ADGRV1: variants seen among roughly 807,000 people sequenced by gnomAD.
ADGRV1 encodes the protein adhesion G protein-coupled receptor V1.
Under a neutral mutation model 596.2 loss-of-function variants are expected in ADGRV1, and 359 were observed. The observed-to-expected ratio is 0.60, with a 90% CI of 0.55 to 0.66. The LOEUF (loss-of-function observed/expected upper bound fraction) is 0.66, where lower values mean the gene tolerates loss of function less well. ADGRV1 is among the 30% of genes least tolerant of loss of function. The probability of loss-of-function intolerance (pLI) is 0.00; values close to 1 mark genes in which losing one functional copy is unlikely to be tolerated. For synonymous variants in ADGRV1, 2,681 were observed against 2,679.2 expected, an observed-to-expected ratio of 1.00 and a Z score of -0.02; for missense variants, 7,274 against 7,575.6, an observed-to-expected ratio of 0.96 and a Z score of 1.48.
chr5:90,659,775 G>A (rs1056253074), intron 21 of ADGRV1, among the ~76,000 whole-genome samples: 4 of 152,330 alleles, frequency 2.6e-5, no homozygotes, highest in African/African-American at 9.6e-5. Flanking sequence ...GCTCACGCCT[G>A]TAATCCCAGC....
chr5:90,700,293 T>C (rs951321298), intron 34 of ADGRV1, among the ~76,000 whole-genome samples: 1 of 152,180 alleles, frequency 6.6e-6, no homozygotes, highest in Non-Finnish European at 1.5e-5. Context: ...TGTTGGAGTT[T>C]CATTTATGTG....
In ADGRV1 at chr5:90,706,400, A is replaced by ACT. The variant is rs780180737; in HGVS notation, c.8730+9_8730+10dup. ...TCAACATTACCATTCTTGAGGTAAAACTCTTTTTTTTTTTTAATCTTAGGG... is the reference window on the plus strand; with the variant it reads ...TCAACATTACCATTCTTGAGGTAAAACTCTCTTTTTTTTTTTTAATCTTAGGG... On this transcript the variant is annotated splice_region_variant and intron_variant, in intron 38 of 89. Coordinates refer to ENST00000405460, the MANE Select transcript of ADGRV1 (RefSeq NM_032119.4). The ACT allele has an allele frequency of 1.5e-5, 22 of 1,485,040 alleles. No homozygotes were observed. The Admixed American group carries it at 4.9e-4, about 33-fold the overall frequency. The allele number at this position is 1,485,040 out of a possible 1,614,324, so 92.0% of individuals were successfully genotyped here.
chr5:90,836,592 C>T (rs972804177), intron 77 of ADGRV1, among the ~76,000 whole-genome samples: 21 of 152,002 alleles, frequency 1.4e-4, no homozygotes, highest in African/African-American at 4.8e-4. Flanking sequence ...TGGGGTGACA[C>T]GAGTGTAGCT....
chr5:90,653,952 G>T lies in ADGRV1; in HGVS notation c.4378G>T (p.Gly1460Cys). ...KSLKGEAITD[G>C]PGILRIGAGI... ...TCTGAAAGGAGAAGCCATTACTGAC[G>T]GTGAGGGTCATCATCACAACTAGGA... Residue 1460 changes from glycine (G) to cysteine (C), a missense_variant and splice_region_variant, in exon 20 of 90, where the codon GGT becomes TGT. Transcript: ENST00000405460. The T allele has an allele frequency of 6.4e-7, 1 of 1,554,136 alleles. No individual in the cohort carries two copies. The highest frequency in any genetic ancestry group is 1.2e-5 in the South Asian group (1 of 84,320).
chr5:90,689,521 A>G (rs1746184033), intron 29 of ADGRV1, among the ~76,000 whole-genome samples: 2 of 151,862 alleles, frequency 1.3e-5, no homozygotes, highest in Admixed American at 6.6e-5. Flanking sequence ...CTTTTTTCTA[A>G]AAGTACACAT....
intron 83 of ADGRV1, among the ~76,000 whole-genome samples, chr5:90,871,365 C>T (rs886818058): frequency 2.0e-5 from 3 of 152,108 alleles, no homozygotes; most frequent in South Asian, 2.1e-4. Flanking sequence ...ATAATAAAAT[C>T]GAATTCCTTT....
At chr5:90,635,890 T>C (rs1766131114) in intron 10 of ADGRV1, among the ~76,000 whole-genome samples, 2 of 150,870 alleles carry the variant, frequency 1.3e-5, no homozygotes, top group South Asian at 4.3e-4. Context: ...GCATTGTGCC[T>C]GGCCTATAAA....
chr5:90,863,666 C>A, intron 82 of ADGRV1, 91 bp from the exon 83 acceptor site: 2 of 917,470 alleles, frequency 2.2e-6, no homozygotes, highest in Non-Finnish European at 3.6e-6. Flanking sequence ...GCAGACCTGA[C>A]ATGCCTAGCT....
At chr5:91,014,119 A>G (rs1239588000) in intron 85 of ADGRV1, among the ~76,000 whole-genome samples, 1 of 49,074 alleles carries the variant, frequency 2.0e-5, no homozygotes, top group Non-Finnish European at 4.0e-5. Context: ...CCTCATAGGC[A>G]ATCCCATTCA....
chr5:90,952,845 G>A (rs1777163734), intron 83 of ADGRV1, among the ~76,000 whole-genome samples: 1 of 151,942 alleles, frequency 6.6e-6, no homozygotes, highest in Admixed American at 6.6e-5. Flanking sequence ...ATTTGCTACT[G>A]GATTGTCTGT....
chr5:90,647,588 A>T lies in ADGRV1; in HGVS notation c.3113A>T (p.Tyr1038Phe), dbSNP rs1767971947. 6.2e-7 allele frequency: 1 copy of T among 1,613,886 alleles called. No individual in the cohort carries two copies. The highest frequency in any genetic ancestry group is 1.7e-5 in the Admixed American group (1 of 60,010). Residue 1038 changes from tyrosine to phenylalanine, a missense_variant, in exon 17 of 90, where the codon TAT (tyrosine) becomes TTT (phenylalanine). Around this residue, in one of 5 missense-constraint regions of ADGRV1, gnomAD observed 1,715 missense variants for 1,708.8 expected, o/e 1.00. Transcript: ENST00000405460. ...GTTGATGTGACTTGCATGGTCCAGT[A>T]TGCTACCAAGGATGGGAAGGCTACT... is the stretch of plus-strand genomic sequence containing the variant. ...GSVDVTCMVQ[Y>F]ATKDGKATAR...
chr5:90,686,698 T>A (rs147329258), intron 29 of ADGRV1, among the ~76,000 whole-genome samples: 8,667 of 152,174 alleles, frequency 0.057, 306 homozygotes, highest in East Asian at 0.17. Context: ...TCTTTATAGC[T>A]GCATGATTTA....
chr5:90,632,745 G>C (rs973805709), intron 9 of ADGRV1, among the ~76,000 whole-genome samples: 4 of 152,188 alleles, frequency 2.6e-5, no homozygotes, highest in African/African-American at 9.6e-5. Flanking sequence ...GGGTTAGAAA[G>C]TTGCACCACT....
At chr5:91,059,613 T>C (rs1367649027) in intron 85 of ADGRV1, among the ~76,000 whole-genome samples, 1 of 152,234 alleles carries the variant, frequency 6.6e-6, no homozygotes, top group Non-Finnish European at 1.5e-5. Flanking sequence ...ATGATCTAAT[T>C]CTTACCACTT....
intron 21 of ADGRV1, among the ~76,000 whole-genome samples, chr5:90,663,963 T>G: frequency 6.7e-6 from 1 of 148,404 alleles, no homozygotes; most frequent in African/African-American, 2.5e-5. Context: ...TTCTGTTCCA[T>G]TGATCTATAT....
intron 50 of ADGRV1, among the ~76,000 whole-genome samples, chr5:90,735,426 T>G (rs1280391322): frequency 2.0e-5 from 3 of 152,218 alleles, no homozygotes; most frequent in Admixed American, 2.0e-4. Context: ...TGCTTTATAT[T>G]TTGAAGTCAG....
chr5:91,082,653 T>C (rs935827259), intron 86 of ADGRV1, among the ~76,000 whole-genome samples: 4 of 152,198 alleles, frequency 2.6e-5, no homozygotes, highest in African/African-American at 9.7e-5. Flanking sequence ...TGTATAAAAC[T>C]TGACTAGAGA....
rs1758415864 is a variant in ADGRV1 at position 90,777,920 on chromosome 5, AG to A, written c.12546del (p.Ile4183PhefsTer26). ...ATTGTTGTAGCCTTGTTCGAGGCCC[AG>A]GGATTTTGGGGGAGGTCACAGTGTT... ...TAIISLVRGPGILGEVTVFWR... is the reference protein window; with the variant it reads ...TAIISLVRGPXILGEVTVFWR... On this transcript the variant is annotated frameshift_variant, in exon 62 of 90. Coordinates refer to ENST00000405460, the MANE Select transcript of ADGRV1 (RefSeq NM_032119.4). LOFTEE classifies it high-confidence loss of function. 6.2e-7 allele frequency: 1 copy of A among 1,611,052 alleles called. No individual in the cohort carries two copies. Among genetic ancestry groups the A allele is most frequent in the Non-Finnish European group, 8.5e-7 (1 of 1,177,948 alleles).
intron 85 of ADGRV1, among the ~76,000 whole-genome samples, chr5:91,049,648 G>A (rs929638859): frequency 6.6e-6 from 1 of 151,978 alleles, no homozygotes; most frequent in Non-Finnish European, 1.5e-5. Context: ...GCAAACACTG[G>A]GATTTAAGGG....
Sources: gnomAD v4.1 joint callset for allele counts (sites outside exome capture counted in the v4.1 genomes callset) on GRCh38, gnomAD v4.1.1 for gene constraint, gnomAD v4.1.1 regional missense constraint, MANE v1.5 for transcripts, NCBI Gene and HGNC (gene_info 2026-07-23, HGNC 2026-07-21) for gene names.